Variants in CNTNAP2 observed in about 807,000 individuals in gnomAD.
The protein encoded by CNTNAP2 is contactin associated protein 2.
A neutral mutation model predicts 155.2 loss-of-function variants in CNTNAP2; 98 were observed. The observed-to-expected ratio is 0.63, with a 90% confidence interval of 0.54 to 0.75. The LOEUF (loss-of-function observed/expected upper bound fraction) is 0.75. CNTNAP2 is among the 30% of genes least tolerant of loss of function. The probability of loss-of-function intolerance (pLI) is 0.00; values close to 1 mark genes in which losing one functional copy is unlikely to be tolerated. For synonymous variants in CNTNAP2, 651 were observed against 631.2 expected (o/e 1.03, Z -0.47); for missense variants, 1,727 against 1,688.1 (o/e 1.02, Z -0.40).
intron 2 of CNTNAP2, among the ~76,000 whole-genome samples, chr7:146,787,985 T>C (rs1187997246): frequency 2.0e-5 from 3 of 152,186 alleles, no homozygotes; most frequent in African/African-American, 7.2e-5. Flanking sequence ...AGAGGGCTGA[T>C]TGGTGCTTTT....
At chr7:147,366,557 T>C (rs1238751455) in intron 9 of CNTNAP2, among the ~76,000 whole-genome samples, 1 of 152,090 alleles carries the variant, frequency 6.6e-6, no homozygotes, top group Non-Finnish European at 1.5e-5. Context: ...CTTTTCATTT[T>C]TGTTACTTCT....
At chr7:148,301,306 A>AAAAAATATATAT in intron 21 of CNTNAP2, among the ~76,000 whole-genome samples, 67 of 103,838 alleles carry the variant, frequency 6.5e-4, no homozygotes, top group African/African-American at 2.3e-3. Context: ...AAAAAAAAAA[A>AAAAAATATATAT]ATATATATAT....
At chr7:148,360,311 G>C (rs1798594730) in intron 21 of CNTNAP2, among the ~76,000 whole-genome samples, 1 of 152,182 alleles carries the variant, frequency 6.6e-6, no homozygotes, top group Non-Finnish European at 1.5e-5. Flanking sequence ...GGAACTCAGA[G>C]GTTACCAAGC....
At chr7:146,824,604 A>G (rs1290032329) in intron 2 of CNTNAP2, among the ~76,000 whole-genome samples, 1 of 152,100 alleles carries the variant, frequency 6.6e-6, no homozygotes, top group African/African-American at 2.4e-5. Context: ...ATGAGATCTC[A>G]CTGTGGTTTT....
chr7:148,107,219 C>CCGTT (rs1362339131), intron 15 of CNTNAP2, among the ~76,000 whole-genome samples: 1 of 151,992 alleles, frequency 6.6e-6, no homozygotes, highest in Non-Finnish European at 1.5e-5. Context: ...AGGAACAAGC[C>CCGTT]CGTTTTACCA....
chr7:148,091,051 G>A (rs1044881165), intron 15 of CNTNAP2, among the ~76,000 whole-genome samples: 2 of 152,072 alleles, frequency 1.3e-5, no homozygotes, highest in Admixed American at 6.6e-5. Context: ...TAAAATAGTG[G>A]TTACCACAGA....
chr7:146,698,167 C>G (rs1226745975), intron 1 of CNTNAP2, among the ~76,000 whole-genome samples: 1 of 152,030 alleles, frequency 6.6e-6, no homozygotes, highest in East Asian at 1.9e-4. Context: ...CAAAATATTG[C>G]TGCTATTATT....
intron 20 of CNTNAP2, among the ~76,000 whole-genome samples, chr7:148,263,968 C>T (rs1054465586): frequency 1.3e-5 from 2 of 152,170 alleles, no homozygotes; most frequent in African/African-American, 2.4e-5. Flanking sequence ...GGTACCTCCA[C>T]TGTGTGGGTC....
intron 4 of CNTNAP2, among the ~76,000 whole-genome samples, chr7:147,066,927 G>T (rs1216085262): frequency 1.3e-5 from 2 of 152,142 alleles, no homozygotes; most frequent in African/African-American, 2.4e-5. Context: ...CCTGTACAAG[G>T]TTGCAGACTG....
chr7:146,671,429 T>TCACACACACACACACACA (rs147594471), intron 1 of CNTNAP2, among the ~76,000 whole-genome samples: 141 of 148,394 alleles, frequency 9.5e-4, no homozygotes, highest in South Asian at 3.3e-3. Flanking sequence ...TTTTTGTCAC[T>TCACACACACACACACACA]CACACACACA....
At chr7:148,195,603 G>A (rs566634028) in intron 18 of CNTNAP2, among the ~76,000 whole-genome samples, 8 of 152,156 alleles carry the variant, frequency 5.3e-5, no homozygotes, top group South Asian at 2.1e-4. Flanking sequence ...ATGAAATACC[G>A]CAAAGACTTT....
chr7:146,533,833 C>T (rs750798271), intron 1 of CNTNAP2, among the ~76,000 whole-genome samples: 4 of 152,022 alleles, frequency 2.6e-5, no homozygotes, highest in Non-Finnish European at 5.9e-5. Context: ...TCTCTCTCTA[C>T]TCTGTTTCAA....
intron 8 of CNTNAP2, among the ~76,000 whole-genome samples, chr7:147,137,893 ATAGATAGATAGATAGATAGATAGG>A (rs1408217404): frequency 7.8e-6 from 1 of 128,214 alleles, no homozygotes; most frequent in Non-Finnish European, 1.8e-5. Context: ...AGATAGATAG[ATAGATAGATAGATAGATAGATAGG>A]TAGATAGATA....
intron 3 of CNTNAP2, among the ~76,000 whole-genome samples, chr7:146,914,873 T>A (rs1435059186): frequency 6.6e-6 from 1 of 152,086 alleles, no homozygotes; most frequent in Non-Finnish European, 1.5e-5. Flanking sequence ...TTTGGGTTCT[T>A]GGTCATGAAG....
At chr7:146,515,132 G>T (rs1797522151) in intron 1 of CNTNAP2, among the ~76,000 whole-genome samples, 2 of 151,994 alleles carry the variant, frequency 1.3e-5, no homozygotes. Context: ...TTTCTGTAGA[G>T]ACAGCCTCTA....
intron 1 of CNTNAP2, among the ~76,000 whole-genome samples, chr7:146,146,723 C>T (rs1056174187): frequency 6.6e-6 from 1 of 151,990 alleles, no homozygotes; most frequent in South Asian, 2.1e-4. Flanking sequence ...GGGGCAAATG[C>T]CTTAAACATT....
chr7:146,484,855 A>G (rs1002741877), intron 1 of CNTNAP2, among the ~76,000 whole-genome samples: 14 of 152,078 alleles, frequency 9.2e-5, no homozygotes, highest in African/African-American at 2.7e-4. Context: ...ACCCTTACAT[A>G]TTCTTATTTT....
At chr7:146,171,361 G>A (rs73452064) in intron 1 of CNTNAP2, among the ~76,000 whole-genome samples, 2,859 of 151,870 alleles carry the variant, frequency 0.019, 78 homozygotes, top group African/African-American at 0.063. Context: ...TTTGATATTC[G>A]TTATTTAGAG....
chr7:147,934,491 C>T (rs1009630718), intron 14 of CNTNAP2, among the ~76,000 whole-genome samples: 4 of 152,128 alleles, frequency 2.6e-5, no homozygotes, highest in Non-Finnish European at 5.9e-5. Context: ...TGAATTACTG[C>T]CCACCAAGTC....
Sources: gnomAD v4.1 joint callset for allele counts (sites outside exome capture counted in the v4.1 genomes callset) on GRCh38, gnomAD v4.1.1 for gene constraint, MANE v1.5 for transcripts, NCBI Gene and HGNC (gene_info 2026-07-23, HGNC 2026-07-21) for gene names.